Variants in NEK1 observed in about 807,000 individuals in gnomAD.
NEK1 encodes the protein NIMA related kinase 1, also known as serine/threonine-protein kinase Nek1.
In NEK1, 137 loss-of-function variants were observed where a neutral mutation model predicts 182.1. The observed-to-expected ratio is 0.75, with a 90% CI of 0.65 to 0.87. NEK1 has a LOEUF of 0.87. NEK1 is among the 40% of genes least tolerant of loss of function. The probability of loss-of-function intolerance (pLI) is 0.00; values close to 1 mark genes in which losing one functional copy is unlikely to be tolerated. For synonymous variants in NEK1, 513 were observed against 492.2 expected (o/e 1.04, Z -0.56); for missense variants, 1,391 against 1,494.4 (o/e 0.93, Z 1.14).
At chr4:169,476,632 T>C (rs749050779) in intron 26 of NEK1, among the ~76,000 whole-genome samples, 42 of 152,126 alleles carry the variant, frequency 2.8e-4, no homozygotes, top group Non-Finnish European at 4.7e-4. Context: ...CAAGAGCACA[T>C]ATGTTTCTGT....
chr4:169,397,097 G>A (rs1002408691), intron 35 of NEK1, among the ~76,000 whole-genome samples: 4 of 152,028 alleles, frequency 2.6e-5, no homozygotes, highest in Non-Finnish European at 5.9e-5. Context: ...GGTAGCTCAC[G>A]CCAGTAGTAC....
At chr4:169,444,126 A>G (rs777433387) in intron 27 of NEK1, among the ~76,000 whole-genome samples, 2 of 152,202 alleles carry the variant, frequency 1.3e-5, no homozygotes, top group Non-Finnish European at 2.9e-5. Context: ...GACAGAGCAC[A>G]TTCACAAACA....
chr4:169,587,075 A>G (rs1305049061), intron 9 of NEK1, among the ~76,000 whole-genome samples: 1 of 151,940 alleles, frequency 6.6e-6, no homozygotes. Context: ...TTAGTGTGTT[A>G]TATGTTATTT....
chr4:169,428,351 GATATATAT>G (rs60550267), intron 29 of NEK1, among the ~76,000 whole-genome samples: 3 of 93,246 alleles, frequency 3.2e-5, no homozygotes, highest in Admixed American at 2.9e-4. Flanking sequence ...AAATATATGG[GATATATAT>G]ATATATATAT....
chr4:169,579,809 C>T (rs1766312149), intron 11 of NEK1, among the ~76,000 whole-genome samples: 1 of 151,138 alleles, frequency 6.6e-6, no homozygotes, highest in Non-Finnish European at 1.5e-5. Flanking sequence ...AAAAGACGGG[C>T]TAAATGCAGC....
At chr4:169,499,782 A>G (rs1284393388) in intron 23 of NEK1, among the ~76,000 whole-genome samples, 1 of 151,570 alleles carries the variant, frequency 6.6e-6, no homozygotes, top group Non-Finnish European at 1.5e-5. Context: ...GAGGAGTACC[A>G]GGCTGTGTGA....
intron 12 of NEK1, among the ~76,000 whole-genome samples, chr4:169,572,100 G>A (rs1353586914): frequency 6.6e-6 from 1 of 152,004 alleles, no homozygotes; most frequent in East Asian, 1.9e-4. Context: ...AAGCAGGAGA[G>A]TGTAACGATC....
intron 23 of NEK1, among the ~76,000 whole-genome samples, chr4:169,504,813 C>A (rs1034745489): frequency 3.3e-5 from 5 of 152,042 alleles, no homozygotes; most frequent in African/African-American, 7.2e-5. Context: ...TTTGATAGCA[C>A]AACAGGGTGA....
At chr4:169,446,826 G>C (rs903276009) in intron 27 of NEK1, among the ~76,000 whole-genome samples, 1 of 152,074 alleles carries the variant, frequency 6.6e-6, no homozygotes, top group Admixed American at 6.6e-5. Flanking sequence ...AAGAATTAGC[G>C]AGCTTGAAGA....
intron 23 of NEK1, among the ~76,000 whole-genome samples, chr4:169,485,142 A>G (rs975961665): frequency 1.3e-5 from 2 of 152,230 alleles, no homozygotes; most frequent in Admixed American, 6.5e-5. Flanking sequence ...AATGATCTTC[A>G]GCAGCCTTCA....
At chr4:169,497,541 T>C (rs1751571158) in intron 23 of NEK1, among the ~76,000 whole-genome samples, 1 of 152,234 alleles carries the variant, frequency 6.6e-6, no homozygotes, top group African/African-American at 2.4e-5. Flanking sequence ...TGTGGGCACT[T>C]AGTGCTATAA....
Position 169,556,169 on chromosome 4 carries a change from A to G in NEK1, c.1267-74T>C, listed in dbSNP as rs1004155518. 1.2e-5 allele frequency: 17 copies of G among 1,364,798 alleles called. No homozygotes were observed. The South Asian group carries it at 2.5e-4, about 20-fold the overall frequency. The allele number at this position is 1,364,798 out of a possible 1,614,324, so 84.5% of individuals were successfully genotyped here. ...CAGGCCTGTACTAGTCTCAAAAGAA[A>G]AAGTAAATTTCAATGCTTCACTTTT... On this transcript the variant is annotated intron_variant, in intron 16 of 35. Coordinates refer to ENST00000507142, the MANE Select transcript of NEK1 (RefSeq NM_001199397.3).
chr4:169,430,608 A>C (rs1188234126), intron 29 of NEK1, among the ~76,000 whole-genome samples: 1 of 152,230 alleles, frequency 6.6e-6, no homozygotes, highest in Admixed American at 6.5e-5. Context: ...GGTGCAAAGA[A>C]GACAGGATAA....
intron 27 of NEK1, among the ~76,000 whole-genome samples, chr4:169,452,436 C>G (rs1741993396): frequency 6.6e-6 from 1 of 152,178 alleles, no homozygotes; most frequent in Admixed American, 6.6e-5. Context: ...CAAACTGAAT[C>G]CAGCAGCATA....
intron 26 of NEK1, among the ~76,000 whole-genome samples, chr4:169,470,814 T>C (rs1010966390): frequency 1.2e-4 from 18 of 152,204 alleles, no homozygotes; most frequent in Admixed American, 2.6e-4. Flanking sequence ...GGTCTGTTGT[T>C]TGTTCCTTTT....
At chr4:169,569,212 A>G (rs1764220141) in intron 12 of NEK1, among the ~76,000 whole-genome samples, 1 of 152,190 alleles carries the variant, frequency 6.6e-6, no homozygotes, top group South Asian at 2.1e-4. Flanking sequence ...TACAGAATCA[A>G]TTTCAAATGT....
chr4:169,395,476 A>G (rs970290801), intron 35 of NEK1, among the ~76,000 whole-genome samples: 3 of 152,186 alleles, frequency 2.0e-5, no homozygotes, highest in Non-Finnish European at 4.4e-5. Context: ...TTTGCATTAA[A>G]TTCCCATTTG....
chr4:169,452,625 A>G (rs1026334832), intron 27 of NEK1, among the ~76,000 whole-genome samples: 6 of 152,236 alleles, frequency 3.9e-5, no homozygotes, highest in African/African-American at 1.4e-4. Flanking sequence ...CCTTCATGCT[A>G]AAAACTCTCA....
intron 18 of NEK1, 113 bp downstream of exon 18, chr4:169,555,607 A>C (rs1430657440): frequency 7.0e-7 from 1 of 1,432,750 alleles, no homozygotes; most frequent in Non-Finnish European, 9.8e-7. Context: ...AGAGGCAAAA[A>C]ACATCATATG....
Sources: gnomAD v4.1 joint callset for allele counts (sites outside exome capture counted in the v4.1 genomes callset) on GRCh38, gnomAD v4.1.1 for gene constraint, MANE v1.5 for transcripts, NCBI Gene and HGNC (gene_info 2026-07-23, HGNC 2026-07-21) for gene names.